The following SFRP1 variants were observed in gnomAD, a reference collection of about 807,000 sequenced individuals.
The protein encoded by SFRP1 is secreted frizzled related protein 1.
Under a neutral mutation model 25.9 loss-of-function variants are expected in SFRP1, and 9 were observed. That is an observed-to-expected ratio of 0.35 (90% CI 0.21 to 0.61). SFRP1 has a LOEUF of 0.61. Among genes scored for constraint, SFRP1 ranks in the 20% least tolerant of loss-of-function variants. The pLI is 0.78. For missense variants in SFRP1, 346 were observed against 418.2 expected (o/e 0.83, Z 1.51); for synonymous variants, 178 against 174.0 (o/e 1.02, Z -0.18).
chr8:41,270,981 A>G (rs1403698819), intron 2 of SFRP1: 1 of 153,460 alleles, frequency 6.5e-6, no homozygotes, highest in African/African-American at 2.4e-5. Context: ...GTGAAGAATG[A>G]GACACTCGGG....
At chr8:41,300,722 C>T (rs1358006400) in intron 2 of SFRP1, among the ~76,000 whole-genome samples, 3 of 152,018 alleles carry the variant, frequency 2.0e-5, no homozygotes, top group African/African-American at 7.3e-5. Flanking sequence ...ATTTAAGAGG[C>T]GAGAGTGGCA....
At chr8:41,273,014 G>T (rs1803530195) in intron 2 of SFRP1, among the ~76,000 whole-genome samples, 1 of 152,194 alleles carries the variant, frequency 6.6e-6, no homozygotes, top group Non-Finnish European at 1.5e-5. Flanking sequence ...GGAGGATAAT[G>T]AATCAATGCC....
intron 2 of SFRP1, among the ~76,000 whole-genome samples, chr8:41,273,442 A>T (rs955666144): frequency 5.3e-5 from 8 of 152,120 alleles, no homozygotes; most frequent in Admixed American, 5.2e-4. Flanking sequence ...CAGTGAGCCG[A>T]GATCATGCCA....
chr8:41,289,981 A>G (rs1333049131), intron 2 of SFRP1, among the ~76,000 whole-genome samples: 1 of 152,184 alleles, frequency 6.6e-6, no homozygotes. Flanking sequence ...GCCAGCTGGA[A>G]AAGGCAGCTG....
chr8:41,286,526 G>A (rs1655751490), intron 2 of SFRP1, among the ~76,000 whole-genome samples: 1 of 152,128 alleles, frequency 6.6e-6, no homozygotes, highest in Non-Finnish European at 1.5e-5. Flanking sequence ...GTTCAGCCCT[G>A]GGCCTGGACT....
At chr8:41,283,814 T>C (rs1346287958) in intron 2 of SFRP1, among the ~76,000 whole-genome samples, 1 of 152,066 alleles carries the variant, frequency 6.6e-6, no homozygotes, top group African/African-American at 2.4e-5. Flanking sequence ...GCACCCACCT[T>C]GGCCTCCCAA....
At chr8:41,296,840 T>C (rs964990697) in intron 2 of SFRP1, among the ~76,000 whole-genome samples, 6 of 152,218 alleles carry the variant, frequency 3.9e-5, no homozygotes, top group African/African-American at 4.8e-5. Flanking sequence ...GGTCCTATCC[T>C]GGAACACCAG....
In SFRP1 at chr8:41,265,064, T is replaced by A. The variant is rs1803417214; in HGVS notation, c.*103A>T. On this transcript the variant is annotated 3_prime_UTR_variant, in exon 3 of 3. Coordinates refer to ENST00000220772, the MANE Select transcript of SFRP1 (RefSeq NM_003012.5). ...CCGACTGGATTACAATGTCCACTAC[T>A]GACAGGCGCAGTGCGTGTGTGTGAC... The A allele has an allele frequency of 4.0e-6, 3 of 758,850 alleles. No individual in the cohort carries two copies. In the South Asian group the frequency reaches 5.4e-5, roughly 14 times the overall value. 47.0% of individuals were successfully genotyped at this position (758,850 alleles called of 1,614,324 possible).
At chr8:41,280,629 C>A (rs1410791724) in intron 2 of SFRP1, among the ~76,000 whole-genome samples, 3 of 152,206 alleles carry the variant, frequency 2.0e-5, no homozygotes, top group Admixed American at 2.0e-4. Context: ...ACGACCCCAA[C>A]TCTGCACGCC....
At chr8:41,286,148 AAG>A (rs931240054) in intron 2 of SFRP1, among the ~76,000 whole-genome samples, 43 of 151,912 alleles carry the variant, frequency 2.8e-4, no homozygotes, top group African/African-American at 9.7e-4. Flanking sequence ...CGATGAACCC[AAG>A]AGAGAGAAAC....
At chr8:41,279,551 T>C (rs117520280) in intron 2 of SFRP1, among the ~76,000 whole-genome samples, 1 of 152,004 alleles carries the variant, frequency 6.6e-6, no homozygotes, top group Non-Finnish European at 1.5e-5. Flanking sequence ...GCTCACAACA[T>C]ATAAACACTA....
intron 2 of SFRP1, among the ~76,000 whole-genome samples, chr8:41,277,785 T>C (rs1218129855): frequency 6.6e-6 from 1 of 152,166 alleles, no homozygotes; most frequent in African/African-American, 2.4e-5. Flanking sequence ...AAATGTTCTT[T>C]AGTTTTGTAC....
Position 41,280,355 on chromosome 8 carries a change from G to A in SFRP1, c.623-14866C>T, listed in dbSNP as rs187607675. Reference sequence around the variant, plus strand: ...CTGGCCAAAGCCAAGAATCTAAAAAGCTAAGAGGAATCAGCACCCGGTCCT... The same window carrying A: ...CTGGCCAAAGCCAAGAATCTAAAAAACTAAGAGGAATCAGCACCCGGTCCT... On this transcript the variant is annotated intron_variant, in intron 2 of 2. Transcript: ENST00000220772. Among the ~76,000 whole-genome samples the A allele has an allele frequency of 2.9e-3, 436 of 152,346 alleles. 7 individuals are homozygous for A. Among genetic ancestry groups the A allele is most frequent in the Non-Finnish European group, 1.1e-3 (74 of 68,038 alleles).
rs370594120 is a variant in SFRP1, at chr8:41,303,511, T to C, written c.572A>G (p.Asn191Ser). The C allele has an allele frequency of 1.1e-5, 18 of 1,613,844 alleles. No homozygotes were observed. The highest frequency in any genetic ancestry group is 1.6e-4 in the Middle Eastern group (1 of 6,084). Residue 191 changes from asparagine (N) to serine (S), a missense_variant, in exon 2 of 3, where the codon AAC becomes AGC. Asn to Ser is a conservative substitution (Grantham distance 46). Coordinates refer to ENST00000220772, the MANE Select transcript of SFRP1 (RefSeq NM_003012.5). ...QGTTVCPPCD[N>S]ELKSEAIIEH... ...AATGATGGCCTCAGATTTCAACTCG[T>C]TGTCACAGGGAGGACACACCGTTGT...
At chr8:41,292,739 T>C (rs939252162) in intron 2 of SFRP1, among the ~76,000 whole-genome samples, 6 of 152,218 alleles carry the variant, frequency 3.9e-5, no homozygotes, top group South Asian at 2.1e-4. Context: ...CAGGGCTCAG[T>C]AGAAGCCCAA....
At chr8:41,266,055 A>G (rs1224443795) in intron 2 of SFRP1, among the ~76,000 whole-genome samples, 1 of 152,028 alleles carries the variant, frequency 6.6e-6, no homozygotes, top group Non-Finnish European at 1.5e-5. Context: ...AATCCCAGCT[A>G]CTAAGGAGGC....
intron 2 of SFRP1, among the ~76,000 whole-genome samples, chr8:41,284,000 C>T (rs1166497370): frequency 6.6e-6 from 1 of 152,146 alleles, no homozygotes; most frequent in African/African-American, 2.4e-5. Flanking sequence ...GGCCAGGGGA[C>T]TCTCTGGGGG....
In SFRP1 at chr8:41,265,071, C is replaced by T. The variant is rs979342881; in HGVS notation, c.*96G>A. On this transcript the variant is annotated 3_prime_UTR_variant, in exon 3 of 3. Transcript: ENST00000220772. Reference sequence around the variant, plus strand: ...GATTACAATGTCCACTACTGACAGGCGCAGTGCGTGTGTGTGACCCACCGG... The same window carrying T: ...GATTACAATGTCCACTACTGACAGGTGCAGTGCGTGTGTGTGACCCACCGG... 11 of 795,678 alleles carry T rather than the reference C, an allele frequency of 1.4e-5. No homozygotes were observed. The highest frequency in any genetic ancestry group is 1.8e-5 in the Non-Finnish European group (9 of 502,764). 49.3% of individuals were successfully genotyped at this position (795,678 alleles called of 1,614,324 possible). A position where few individuals can be genotyped will look rare whatever the true frequency, so the allele number is the denominator to read the frequency against.
rs1803395177 is a variant in SFRP1, at chr8:41,263,190, C to A, written c.*1977G>T. 6.6e-6 allele frequency: 1 copy of A among 152,616 alleles called. No individual in the cohort carries two copies. Among genetic ancestry groups the A allele is most frequent in the East Asian group, 1.9e-4 (1 of 5,202 alleles). The allele number at this position is 152,616 out of a possible 1,614,324, so 9.5% of individuals were successfully genotyped here. A position where few individuals can be genotyped will look rare whatever the true frequency, so the allele number is the denominator to read the frequency against. ...TGAGTGAATCAACCAGAACTAAGAC[C>A]CAGATCCACGCACTCAGGAACTTGC... On this transcript the variant is annotated 3_prime_UTR_variant, in exon 3 of 3. Coordinates refer to ENST00000220772, the MANE Select transcript of SFRP1 (RefSeq NM_003012.5).
Sources: gnomAD v4.1 joint callset for allele counts (sites outside exome capture counted in the v4.1 genomes callset) on GRCh38, gnomAD v4.1.1 for gene constraint, MANE v1.5 for transcripts, NCBI Gene and HGNC (gene_info 2026-07-23, HGNC 2026-07-21) for gene names.